Variants in CCNH observed in about 807,000 individuals in gnomAD.
CCNH encodes the protein cyclin-H.
Under a neutral mutation model 41.9 loss-of-function variants are expected in CCNH, and 31 were observed. The ratio of observed to expected loss-of-function variants is 0.74; its 90% CI spans 0.56 to 1.00. The LOEUF (loss-of-function observed/expected upper bound fraction) is 1.00. CCNH is among the 50% of genes least tolerant of loss of function. CCNH has a pLI of 0.00. For missense variants in CCNH, 362 were observed against 388.4 expected (o/e 0.93, Z 0.57); for synonymous variants, 138 against 136.1 (o/e 1.01, Z -0.10).
At chr5:87,341,848 T>A (rs112052197) in intron 9 of CCNH, among the ~76,000 whole-genome samples, 113 of 152,302 alleles carry the variant, frequency 7.4e-4, no homozygotes, top group Non-Finnish European at 1.5e-3. Context: ...TAATATCTTT[T>A]CAGTACAACA....
chr5:87,311,834 A>G, the CCNH span, among the ~76,000 whole-genome samples: 1 of 152,214 alleles, frequency 6.6e-6, no homozygotes, highest in East Asian at 1.9e-4. Context: ...CATTGTTAGC[A>G]TAATCTGTAT....
intron 7 of CCNH, 68 bp from the exon 8 acceptor site, chr5:87,395,172 C>A (rs1762840687): frequency 1.4e-6 from 2 of 1,393,102 alleles, no homozygotes; most frequent in Non-Finnish European, 2.0e-6. Context: ...GTAAAATAAA[C>A]TAGCAAGGCT....
At chr5:87,405,745 C>G (rs1763741562) in intron 4 of CCNH, among the ~76,000 whole-genome samples, 2 of 152,098 alleles carry the variant, frequency 1.3e-5, no homozygotes, top group Non-Finnish European at 2.9e-5. Flanking sequence ...CCTCTACTTG[C>G]TCCCACTCAC....
intron 7 of CCNH, among the ~76,000 whole-genome samples, chr5:87,397,113 A>G (rs995050676): frequency 4.6e-5 from 7 of 152,136 alleles, no homozygotes; most frequent in African/African-American, 1.2e-4. Flanking sequence ...GTCCATGAAC[A>G]GTTTCCAGTT....
chr5:87,377,981 A>G (rs939333249), upstream of CCNH, among the ~76,000 whole-genome samples: 9 of 152,220 alleles, frequency 5.9e-5, no homozygotes, highest in African/African-American at 2.2e-4. Context: ...ATTTTAAGCT[A>G]ATAAATTAAT....
intron 9 of CCNH, among the ~76,000 whole-genome samples, chr5:87,336,895 C>G (rs1758015311): frequency 6.6e-6 from 1 of 151,874 alleles, no homozygotes; most frequent in African/African-American, 2.4e-5. Context: ...TATGATTATT[C>G]AAATATTGAG....
chr5:87,390,764 TTTCA>T, downstream of CCNH: 1 of 1,556,770 alleles, frequency 6.4e-7, no homozygotes, highest in Non-Finnish European at 8.9e-7. Context: ...CTGACCGAGC[TTTCA>T]TTTATTTTCA....
upstream of CCNH, chr5:87,380,423 T>C (rs1475879885): frequency 6.7e-6 from 8 of 1,193,806 alleles, no homozygotes; most frequent in Non-Finnish European, 1.0e-5. Flanking sequence ...AACTGTGGTA[T>C]ATTTGGGTAA....
At chr5:87,382,254 A>G (rs1050583815) in intron 9 of CCNH, among the ~76,000 whole-genome samples, 1 of 152,172 alleles carries the variant, frequency 6.6e-6, no homozygotes, top group Non-Finnish European at 1.5e-5. Context: ...CCCAGCCAAT[A>G]TATTAGAATT....
downstream of CCNH, among the ~76,000 whole-genome samples, chr5:87,371,402 A>C (rs911801788): frequency 2.0e-5 from 3 of 152,108 alleles, no homozygotes; most frequent in Non-Finnish European, 4.4e-5. Flanking sequence ...TAATTGAATA[A>C]AGCAATAGTA....
intron 2 of CCNH, 48 bp from the exon 3 acceptor site, chr5:87,409,411 A>C: frequency 8.9e-7 from 1 of 1,119,646 alleles, no homozygotes; most frequent in Non-Finnish European, 1.3e-6. Flanking sequence ...ACAAATGTTA[A>C]ATGTTAAATT....
rs781122884 is a variant in CCNH, at chr5:87,362,657, A to C, written c.*90+30113T>G. 3.1e-6 allele frequency: 5 copies of C among 1,605,740 alleles called. No homozygotes were observed. Among genetic ancestry groups the C allele is most frequent in the Non-Finnish European group, 3.4e-6 (4 of 1,172,630 alleles). Reference sequence around the variant, plus strand: ...TATAAAAACATTGTTAAGAAAGGTTATCTTCTGAAAAAGGGTAAGTTCAGA... The same window carrying C: ...TATAAAAACATTGTTAAGAAAGGTTCTCTTCTGAAAAAGGGTAAGTTCAGA... On this transcript the variant is annotated intron_variant and NMD_transcript_variant, in intron 9 of 9. Coordinates refer to the CCNH transcript ENST00000645953.
At position 87,394,288 on chromosome 5, in the gene CCNH, T is replaced by TTTA; in HGVS notation, c.*155_*157dup. On this transcript the variant is annotated 3_prime_UTR_variant, in exon 9 of 9. Transcript: ENST00000256897. Reference sequence around the variant, plus strand: ...GCTATTCTAGCTCTTTTGAAGATGGTTTATTTTACATAAAGTTACTGTGAA... The same window carrying TTTA: ...GCTATTCTAGCTCTTTTGAAGATGGTTTATTATTTTACATAAAGTTACTGTGAA... 1.5e-6 allele frequency: 2 copies of TTTA among 1,341,050 alleles called. No individual in the cohort carries two copies. The highest frequency in any genetic ancestry group is 9.6e-7 in the Non-Finnish European group (1 of 1,041,636). The allele number at this position is 1,341,050 out of a possible 1,614,324, so 83.1% of individuals were successfully genotyped here. A position where few individuals can be genotyped will look rare whatever the true frequency, so the allele number is the denominator to read the frequency against.
At position 87,331,506 on chromosome 5, in the gene CCNH, T is replaced by G. The variant is rs1757596281; in HGVS notation, c.*91-12609A>C. 3 of 1,613,472 alleles carry G rather than the reference T, an allele frequency of 1.9e-6. No individual in the cohort carries two copies. Among genetic ancestry groups the G allele is most frequent in the Non-Finnish European group, 2.5e-6 (3 of 1,179,522 alleles). On this transcript the variant is annotated intron_variant and NMD_transcript_variant, in intron 9 of 9. Coordinates refer to the CCNH transcript ENST00000645953. ...AATGTTGTCAACCATTTTAGGTAAGTCTTTATTCCTATTATGAAGCCAAAT... is the reference window on the plus strand; with the variant it reads ...AATGTTGTCAACCATTTTAGGTAAGGCTTTATTCCTATTATGAAGCCAAAT...
Position 87,394,343 on chromosome 5 carries a change from T to C in CCNH, c.*103A>G. On this transcript the variant is annotated 3_prime_UTR_variant, in exon 9 of 9. Coordinates refer to ENST00000256897, the MANE Select transcript of CCNH (RefSeq NM_001239.4). ...AAAGAAAACAATAGAAAAGTTTTAA[T>C]ATATTTTATGTTTTCACATTATACT... is the stretch of plus-strand genomic sequence containing the variant. 1 of 1,454,408 alleles carries C rather than the reference T, an allele frequency of 6.9e-7. No individual in the cohort carries two copies. The highest frequency in any genetic ancestry group is 9.1e-7 in the Non-Finnish European group (1 of 1,096,312). The allele number at this position is 1,454,408 out of a possible 1,614,324, so 90.1% of individuals were successfully genotyped here.
intron 9 of CCNH, among the ~76,000 whole-genome samples, chr5:87,338,537 T>TATATATATATATATATATATATA (rs1421369290): frequency 2.5e-5 from 2 of 79,794 alleles, no homozygotes; most frequent in Non-Finnish European, 5.3e-5. Context: ...ATATATAAAA[T>TATATATATATATATATATATATA]TTTTTTTTTT....
At chr5:87,357,205 G>A (rs991658111) in intron 9 of CCNH, among the ~76,000 whole-genome samples, 3 of 151,748 alleles carry the variant, frequency 2.0e-5, no homozygotes, top group African/African-American at 7.3e-5. Flanking sequence ...AGAGAAGTTA[G>A]CCAGAACATA....
downstream of CCNH, chr5:87,389,402 G>C (rs748623110): frequency 6.2e-7 from 1 of 1,614,080 alleles, no homozygotes. Flanking sequence ...GAATGTACCT[G>C]AACTTCCGGA....
At chr5:87,320,945 A>G (rs1756748113) in intron 9 of CCNH, among the ~76,000 whole-genome samples, 1 of 152,174 alleles carries the variant, frequency 6.6e-6, no homozygotes, top group African/African-American at 2.4e-5. Flanking sequence ...GTGGCTTTTG[A>G]ATGCCATGGT....
Sources: gnomAD v4.1 joint callset for allele counts (sites outside exome capture counted in the v4.1 genomes callset) on GRCh38, gnomAD v4.1.1 for gene constraint, MANE v1.5 for transcripts, NCBI Gene and HGNC (gene_info 2026-07-23, HGNC 2026-07-21) for gene names.